The following CLEC18A variants were observed in gnomAD, a reference collection of about 807,000 sequenced individuals.
CLEC18A encodes the protein C-type lectin domain family 18 member A.
Under a neutral mutation model 24.0 loss-of-function variants are expected in CLEC18A, and 5 were observed. The ratio of observed to expected loss-of-function variants is 0.21; its 90% CI spans 0.11 to 0.44. The LOEUF is 0.44. Among genes scored for constraint, CLEC18A ranks in the 20% least tolerant of loss-of-function variants. The pLI is 0.99. For synonymous variants in CLEC18A, 29 were observed against 100.1 expected (o/e 0.29, Z 4.24); for missense variants, 83 against 233.4 (o/e 0.36, Z 4.20).
downstream of CLEC18A, among the ~76,000 whole-genome samples, chr16:69,966,320 C>T (rs932113819): frequency 2.1e-5 from 3 of 144,310 alleles, no homozygotes; most frequent in African/African-American, 7.5e-5. Context: ...CTTGAGTAGG[C>T]GCTGGGTAAA....
upstream of CLEC18A, among the ~76,000 whole-genome samples, chr16:69,947,313 C>G (rs2058913067): frequency 7.5e-6 from 1 of 133,428 alleles, no homozygotes; most frequent in Non-Finnish European, 1.6e-5. Flanking sequence ...CAGACTGGAT[C>G]AGGACCCACC....
intron 2 of CLEC18A, chr16:69,953,907 G>A (rs529222956): frequency 3.0e-4 from 95 of 317,146 alleles, no homozygotes; most frequent in South Asian, 2.1e-3. Context: ...CAGGAGACTA[G>A]GGCAGAGAGG....
At chr16:69,955,987 C>T (rs1276614393) in intron 3 of CLEC18A, among the ~76,000 whole-genome samples, 8 of 151,868 alleles carry the variant, frequency 5.3e-5, no homozygotes, top group African/African-American at 9.7e-5. Flanking sequence ...GGCTCACGCC[C>T]GTAATCCCAG....
intron 2 of CLEC18A, chr16:69,953,053 G>T (rs2058976589): frequency 6.6e-6 from 1 of 151,126 alleles, no homozygotes; most frequent in Non-Finnish European, 1.5e-5. Context: ...AGGAGGGGCT[G>T]CGGTGGTCGT....
chr16:69,955,750 C>T (rs1323842705), intron 3 of CLEC18A, among the ~76,000 whole-genome samples: 3 of 112,722 alleles, frequency 2.7e-5, no homozygotes, highest in Non-Finnish European at 4.9e-5. Context: ...CCCGCTGTCC[C>T]TCCCTGGAGG....
upstream of CLEC18A, among the ~76,000 whole-genome samples, chr16:69,948,607 ATGTAAACCC>A (rs2058915845): frequency 6.6e-6 from 1 of 151,610 alleles, no homozygotes; most frequent in Non-Finnish European, 1.5e-5. Flanking sequence ...TGGGTGGTGG[ATGTAAACCC>A]TGTAGTAGCC....
Position 69,956,253 on chromosome 16 carries a change from AAAG to A in CLEC18A, c.456+1686_456+1688del, listed in dbSNP as rs550435739. Among the ~76,000 whole-genome samples, 50 of 142,002 alleles carry A rather than the reference AAAG, an allele frequency of 3.5e-4. No individual in the cohort carries two copies. The South Asian group carries it at 9.9e-3, about 28-fold the overall frequency. The allele number at this position is 142,002 out of a possible 152,430, so 93.2% of individuals were successfully genotyped here. A position where few individuals can be genotyped will look rare whatever the true frequency, so the allele number is the denominator to read the frequency against. On this transcript the variant is annotated intron_variant, in intron 3 of 11. Coordinates refer to ENST00000288040, the MANE Select transcript of CLEC18A (RefSeq NM_001370523.4). ...CAGGAGTAAAACCCTGGCTCAGTAAAAAGAAGAACATGTGCCCCTACAACTAGG... is the reference window on the plus strand; with the variant it reads ...CAGGAGTAAAACCCTGGCTCAGTAAAAAGAACATGTGCCCCTACAACTAGG...
At chr16:69,944,272 G>T in the CLEC18A span, among the ~76,000 whole-genome samples, 1 of 148,704 alleles carries the variant, frequency 6.7e-6, no homozygotes. Flanking sequence ...CTCCAGCCTG[G>T]GCAACAGATC....
At chr16:69,965,055 G>T (rs1959328026), downstream of CLEC18A, among the ~76,000 whole-genome samples, 1 of 151,700 alleles carries the variant, frequency 6.6e-6, no homozygotes, top group South Asian at 2.1e-4. Context: ...GCCATCCTGG[G>T]CCTCCCAAAG....
At chr16:69,946,426 G>C (rs186619593), upstream of CLEC18A, among the ~76,000 whole-genome samples, 1,327 of 112,912 alleles carry the variant, frequency 0.012, 95 homozygotes, top group Admixed American at 0.13. Flanking sequence ...TTGAGAATGA[G>C]TCACTCTGTC....
chr16:69,962,865 G>C (rs1307678740), intron 10 of CLEC18A, 111 bp from the exon 11 acceptor site: 5 of 1,215,472 alleles, frequency 4.1e-6, no homozygotes, highest in Non-Finnish European at 5.8e-6. Flanking sequence ...CCGTCGGCAG[G>C]TGGGGGCACT....
At chr16:69,952,663 A>G (rs145506602) in intron 2 of CLEC18A, 8,116 of 134,804 alleles carry the variant, frequency 0.06, 93 homozygotes, top group African/African-American at 0.21. Context: ...GGGGTATAGA[A>G]TTCCCCACCA....
downstream of CLEC18A, among the ~76,000 whole-genome samples, chr16:69,965,510 G>C (rs1415990232): frequency 2.0e-5 from 3 of 151,338 alleles, no homozygotes; most frequent in Non-Finnish European, 4.4e-5. Context: ...GGTGGGGACA[G>C]CACAGGCGGG....
chr16:69,955,153 A>T (rs1208923224), intron 3 of CLEC18A, among the ~76,000 whole-genome samples: 16 of 151,638 alleles, frequency 1.1e-4, no homozygotes, highest in East Asian at 3.9e-4. Flanking sequence ...GGTGTGCGCC[A>T]CTACACCCAG....
chr16:69,965,066 T>G (rs1268692517), downstream of CLEC18A, among the ~76,000 whole-genome samples: 1 of 151,626 alleles, frequency 6.6e-6, no homozygotes, highest in Non-Finnish European at 1.5e-5. Context: ...CCTCCCAAAG[T>G]GCTGGGGTTA....
chr16:69,948,620 A>G (rs2058915958), upstream of CLEC18A, among the ~76,000 whole-genome samples: 1 of 151,282 alleles, frequency 6.6e-6, no homozygotes, highest in Non-Finnish European at 1.5e-5. Flanking sequence ...TAAACCCTGT[A>G]GTAGCCTCAC....
chr16:69,944,902 A>C, the CLEC18A span, among the ~76,000 whole-genome samples: 1 of 129,598 alleles, frequency 7.7e-6, no homozygotes, highest in African/African-American at 3.3e-5. Flanking sequence ...GCGCTTTGGG[A>C]GGCCAAGGCA....
chr16:69,955,537 GAT>G (rs201787185), intron 3 of CLEC18A, among the ~76,000 whole-genome samples: 5,854 of 150,556 alleles, frequency 0.039, 139 homozygotes, highest in African/African-American at 0.13. Context: ...TTTTAGTAGA[GAT>G]AGGGTTTCAC....
At chr16:69,965,211 G>A (rs1277989494), downstream of CLEC18A, among the ~76,000 whole-genome samples, 3 of 151,878 alleles carry the variant, frequency 2.0e-5, no homozygotes, top group South Asian at 2.1e-4. Context: ...TCACACAGAT[G>A]CCCCCAGCTC....
Sources: gnomAD v4.1 joint callset for allele counts (sites outside exome capture counted in the v4.1 genomes callset) on GRCh38, gnomAD v4.1.1 for gene constraint, MANE v1.5 for transcripts, NCBI Gene and HGNC (gene_info 2026-07-23, HGNC 2026-07-21) for gene names.